Variants in IGF2R observed in about 807,000 individuals in gnomAD.
IGF2R encodes the protein cation-independent mannose-6-phosphate receptor.
A neutral mutation model predicts 270.6 loss-of-function variants in IGF2R; 91 were observed. The ratio of observed to expected loss-of-function variants is 0.34; its 90% confidence interval spans 0.28 to 0.40. The LOEUF is 0.40. Ranked by LOEUF, IGF2R falls within the 10% of genes least tolerant of loss-of-function variation. IGF2R has a pLI of 1.00. For synonymous variants in IGF2R, 1,316 were observed against 1,258.9 expected (o/e 1.05, Z -0.96); for missense variants, 2,805 against 3,188.3 (o/e 0.88, Z 2.90).
At chr6:160,013,889 A>G (rs371679038) in intron 4 of IGF2R, among the ~76,000 whole-genome samples, 11 of 152,210 alleles carry the variant, frequency 7.2e-5, no homozygotes, top group African/African-American at 2.7e-4. Context: ...CAGGCTTGGT[A>G]TGATAAGTTT....
At chr6:160,024,496 T>C in intron 4 of IGF2R, 76 bp from the exon 5 acceptor site, 1 of 1,386,514 alleles carries the variant, frequency 7.2e-7, no homozygotes. Context: ...AGCAGTGTTG[T>C]GTGACATTGG....
intron 35 of IGF2R, among the ~76,000 whole-genome samples, chr6:160,074,814 G>A (rs1778820136): frequency 6.6e-6 from 1 of 152,204 alleles, no homozygotes; most frequent in Admixed American, 6.5e-5. Flanking sequence ...GAGTGTGTAA[G>A]GAGATCGGCC....
At chr6:160,021,652 G>A (rs548621971) in intron 4 of IGF2R, among the ~76,000 whole-genome samples, 1 of 149,250 alleles carries the variant, frequency 6.7e-6, no homozygotes, top group South Asian at 2.1e-4. Flanking sequence ...TATATGGAAC[G>A]TAATAAAAAA....
At chr6:160,100,010 T>G (rs149107221) in intron 45 of IGF2R, among the ~76,000 whole-genome samples, 1 of 152,192 alleles carries the variant, frequency 6.6e-6, no homozygotes, top group East Asian at 1.9e-4. Flanking sequence ...ATAATATAAA[T>G]ATAGTATGTA....
Position 160,029,667 on chromosome 6 carries a change from G to A in IGF2R, c.882+12G>A, listed in dbSNP as rs377389431. 3.0e-5 allele frequency: 47 copies of A among 1,575,664 alleles called. No homozygotes were observed. The highest frequency in any genetic ancestry group is 2.6e-4 in the South Asian group (23 of 90,170). Reference sequence around the variant, plus strand: ...CGGAGCGGAGAGAGGTAAGTGACTCGTCTCCTGATCACTAATGTGGCGCAC... The same window carrying A: ...CGGAGCGGAGAGAGGTAAGTGACTCATCTCCTGATCACTAATGTGGCGCAC... On this transcript the variant is annotated intron_variant, in intron 7 of 47. Coordinates refer to ENST00000356956, the MANE Select transcript of IGF2R (RefSeq NM_000876.4).
chr6:159,985,831 GT>G (rs1287180243), intron 1 of IGF2R, among the ~76,000 whole-genome samples: 2 of 152,104 alleles, frequency 1.3e-5, no homozygotes, highest in African/African-American at 4.8e-5. Context: ...TTGGCTAACT[GT>G]TTTACGCTCT....
Position 160,032,543 on chromosome 6 carries a change from C to G in IGF2R, c.883-8C>G. 1 of 1,612,424 alleles carries G rather than the reference C, an allele frequency of 6.2e-7. No individual in the cohort carries two copies. The highest frequency in any genetic ancestry group is 8.5e-7 in the Non-Finnish European group (1 of 1,178,930). On this transcript the variant is annotated splice_region_variant and splice_polypyrimidine_tract_variant and intron_variant, in intron 7 of 47. Transcript: ENST00000356956. ...TTTATTTTGCTTCTTTCACATTGTT[C>G]CTGATAGGGCACCATTCCCAAACTC...
chr6:160,049,061 C>G (rs893961203), intron 18 of IGF2R, among the ~76,000 whole-genome samples: 1 of 152,142 alleles, frequency 6.6e-6, no homozygotes, highest in African/African-American at 2.4e-5. Context: ...AAAGAGATGT[C>G]TCTGGACATC....
chr6:160,083,128 G>A (rs765260667), intron 39 of IGF2R, among the ~76,000 whole-genome samples: 38 of 152,328 alleles, frequency 2.5e-4, no homozygotes, highest in Non-Finnish European at 4.0e-4. Context: ...AAAAAGGAAT[G>A]TAGTAGGAGA....
intron 4 of IGF2R, 130 bp from the exon 5 acceptor site, chr6:160,024,442 G>A (rs538965971): frequency 7.9e-5 from 67 of 847,734 alleles, no homozygotes; most frequent in African/African-American, 1.3e-4. Context: ...GCCTGAGTTC[G>A]TTATTAGGGG....
chr6:160,007,863 C>G (rs1337447421), intron 2 of IGF2R, among the ~76,000 whole-genome samples: 1 of 152,146 alleles, frequency 6.6e-6, no homozygotes, highest in Non-Finnish European at 1.5e-5. Context: ...TTGAATAGGT[C>G]AACCTCATTA....
intron 47 of IGF2R, 133 bp downstream of exon 47, chr6:160,103,948 C>G: frequency 1.6e-6 from 1 of 607,126 alleles, no homozygotes; most frequent in Non-Finnish European, 3.0e-6. Context: ...GAAAGCAACA[C>G]CCGTTGCCTC....
chr6:160,027,525 A>G (rs1562348365), intron 6 of IGF2R, among the ~76,000 whole-genome samples: 1 of 152,264 alleles, frequency 6.6e-6, no homozygotes, highest in Non-Finnish European at 1.5e-5. Context: ...CTCTTACAGC[A>G]GTAAAAATAC....
At chr6:159,971,047 T>A (rs571931041) in intron 1 of IGF2R, among the ~76,000 whole-genome samples, 35 of 152,306 alleles carry the variant, frequency 2.3e-4, no homozygotes, top group African/African-American at 7.9e-4. Flanking sequence ...CGAGTTGCAC[T>A]CTAGTCTGGG....
intron 1 of IGF2R, among the ~76,000 whole-genome samples, chr6:159,980,229 A>AGG (rs1783773420): frequency 2.4e-5 from 3 of 126,436 alleles, no homozygotes; most frequent in African/African-American, 9.2e-5. Context: ...GAAAGAAAGA[A>AGG]AGAAAGAAAG....
chr6:160,013,372 C>T (rs539839838), intron 4 of IGF2R, among the ~76,000 whole-genome samples: 1 of 144,298 alleles, frequency 6.9e-6, no homozygotes, highest in East Asian at 2.0e-4. Context: ...CCTATGTGAC[C>T]TGCAAAACCC....
chr6:160,072,740 G>C (rs777453803), intron 32 of IGF2R, 25 bp from the exon 33 acceptor site: 14 of 1,614,146 alleles, frequency 8.7e-6, no homozygotes, highest in Admixed American at 1.7e-5. Context: ...GAGTCACTGT[G>C]TCCCCATCTT....
intron 1 of IGF2R, among the ~76,000 whole-genome samples, chr6:159,984,195 G>A (rs912814274): frequency 2.0e-5 from 3 of 152,116 alleles, no homozygotes; most frequent in Admixed American, 6.5e-5. Context: ...GAAGAGAAGC[G>A]TTTTGGCCAA....
chr6:160,071,032 G>C (rs917486904), intron 31 of IGF2R, among the ~76,000 whole-genome samples: 2 of 152,126 alleles, frequency 1.3e-5, no homozygotes, highest in Admixed American at 1.3e-4. Context: ...GGGCCCCTGT[G>C]CCCAGGGCCC....
Sources: gnomAD v4.1 joint callset for allele counts (sites outside exome capture counted in the v4.1 genomes callset) on GRCh38, gnomAD v4.1.1 for gene constraint, MANE v1.5 for transcripts, NCBI Gene and HGNC (gene_info 2026-07-23, HGNC 2026-07-21) for gene names.